NBEA: variants seen among roughly 807,000 people sequenced by gnomAD.
NBEA encodes the protein lysosomal-trafficking regulator 2.
NBEA carries 44 observed loss-of-function variants against 343.4 expected under a neutral mutation model. The ratio of observed to expected loss-of-function variants is 0.13; its 90% CI spans 0.10 to 0.16. The LOEUF is 0.16. Among genes scored for constraint, NBEA ranks in the 10% least tolerant of loss-of-function variants. The pLI, the probability that NBEA is intolerant of heterozygous loss-of-function variation, is 1.00. For synonymous variants in NBEA, 1,175 were observed against 1,238.7 expected (o/e 0.95, Z 1.08); for missense variants, 2,555 against 3,631.3 (o/e 0.70, Z 7.62).
intron 41 of NBEA, chr13:35,476,194 A>T: frequency 1.9e-6 from 3 of 1,611,336 alleles, no homozygotes; most frequent in Non-Finnish European, 2.5e-6. Flanking sequence ...TGTGGGATCC[A>T]ATGCGGCTGC....
chr13:35,342,023 T>A (rs542570610), intron 36 of NBEA, among the ~76,000 whole-genome samples: 7 of 152,208 alleles, frequency 4.6e-5, no homozygotes, highest in Admixed American at 3.9e-4. Flanking sequence ...AATGGGATAT[T>A]GTTCACCAAT....
intron 40 of NBEA, among the ~76,000 whole-genome samples, chr13:35,463,924 T>C (rs931180075): frequency 3.9e-5 from 6 of 151,990 alleles, no homozygotes; most frequent in Non-Finnish European, 8.8e-5. Context: ...CAGAAACTGC[T>C]GAAAAACAGT....
intron 27 of NBEA, 93 bp from the exon 28 acceptor site, chr13:35,176,903 A>G (rs953375337): frequency 1.3e-6 from 1 of 758,164 alleles, no homozygotes; most frequent in East Asian, 2.7e-5. Flanking sequence ...GTGGAGATAC[A>G]TGATGTGACC....
intron 41 of NBEA, among the ~76,000 whole-genome samples, chr13:35,530,725 C>G (rs955448783): frequency 1.4e-5 from 2 of 146,002 alleles, no homozygotes; most frequent in Non-Finnish European, 3.0e-5. Flanking sequence ...AATACTTAAT[C>G]TATTTCCATG....
intron 34 of NBEA, among the ~76,000 whole-genome samples, chr13:35,273,504 T>C (rs2034335369): frequency 6.6e-6 from 1 of 151,510 alleles, no homozygotes; most frequent in Admixed American, 6.6e-5. Context: ...AAGAAATAAC[T>C]AAGATAAAGA....
At chr13:35,389,916 T>C (rs937995113) in intron 38 of NBEA, among the ~76,000 whole-genome samples, 1 of 151,076 alleles carries the variant, frequency 6.6e-6, no homozygotes, top group African/African-American at 2.4e-5. Context: ...TTACAGTTTT[T>C]TTCTAATATA....
intron 2 of NBEA, among the ~76,000 whole-genome samples, chr13:35,044,446 A>G (rs2152560281): frequency 6.6e-6 from 1 of 152,306 alleles, no homozygotes; most frequent in South Asian, 2.1e-4. Flanking sequence ...CTAATGGGCC[A>G]AGGAATATAC....
chr13:35,429,947 A>G (rs2044992548), intron 38 of NBEA, among the ~76,000 whole-genome samples: 1 of 152,070 alleles, frequency 6.6e-6, no homozygotes, highest in African/African-American at 2.4e-5. Flanking sequence ...TCTTTTTTGT[A>G]TAATGACTTC....
chr13:35,355,754 C>T (rs915865089), intron 38 of NBEA, among the ~76,000 whole-genome samples: 12 of 151,998 alleles, frequency 7.9e-5, no homozygotes, highest in South Asian at 4.2e-4. Context: ...GTTTAGAATG[C>T]TTTCCCAAAA....
chr13:35,303,719 T>G (rs1256028852), intron 35 of NBEA, among the ~76,000 whole-genome samples: 1 of 152,184 alleles, frequency 6.6e-6, no homozygotes, highest in Non-Finnish European at 1.5e-5. Context: ...GTAATCTTTC[T>G]GTCTCTCCTT....
chr13:35,424,674 A>T (rs1357144737), intron 38 of NBEA, among the ~76,000 whole-genome samples: 3 of 152,208 alleles, frequency 2.0e-5, no homozygotes, highest in Non-Finnish European at 4.4e-5. Context: ...AAAATGAGTT[A>T]GGGAGGATTC....
At chr13:35,146,370 C>G (rs1278100690) in intron 18 of NBEA, among the ~76,000 whole-genome samples, 1 of 152,094 alleles carries the variant, frequency 6.6e-6, no homozygotes. Flanking sequence ...GAGTAACTTG[C>G]CCCTGTATCA....
chr13:35,144,912 A>G (rs926482484), intron 18 of NBEA, among the ~76,000 whole-genome samples: 24 of 152,232 alleles, frequency 1.6e-4, no homozygotes, highest in African/African-American at 5.3e-4. Context: ...CATAGTAATA[A>G]GAGAGCTATT....
Position 35,196,235 on chromosome 13 carries a change from T to A in NBEA, c.5299T>A (p.Tyr1767Asn), listed in dbSNP as rs764583014. 1 of 1,613,588 alleles carries A rather than the reference T, an allele frequency of 6.2e-7. No individual in the cohort carries two copies. The highest frequency in any genetic ancestry group is 1.7e-5 in the Admixed American group (1 of 59,988). ...AGAATGTGGCCCTGAACCTATCCCA[T>A]ACCCAGATCCAGCATTGAAGAGAGA... Reference protein sequence around the residue: ...IAECGPEPIPYPDPALKRETQ... With the variant: ...IAECGPEPIPNPDPALKRETQ... The change falls in exon 31 of 59, where the codon TAC becomes AAC. Residue 1767 changes from tyrosine (Y) to asparagine (N), a missense_variant. Tyr to Asn is a moderately radical substitution (Grantham distance 143). Coordinates refer to ENST00000379939, the MANE Select transcript of NBEA (RefSeq NM_001385012.1).
At chr13:35,657,167 T>C (rs1424866952) in intron 55 of NBEA, among the ~76,000 whole-genome samples, 2 of 152,222 alleles carry the variant, frequency 1.3e-5, no homozygotes, top group Admixed American at 6.5e-5. Context: ...TAGTGGAAGA[T>C]TGGATTAGAT....
intron 55 of NBEA, among the ~76,000 whole-genome samples, chr13:35,659,168 G>C (rs2084951984): frequency 1.3e-5 from 2 of 152,182 alleles, no homozygotes; most frequent in African/African-American, 4.8e-5. Flanking sequence ...TTTGGAGGTT[G>C]TATGTATTAA....
At chr13:35,585,464 G>T (rs998303653) in intron 46 of NBEA, among the ~76,000 whole-genome samples, 17 of 151,876 alleles carry the variant, frequency 1.1e-4, no homozygotes, top group African/African-American at 3.4e-4. Context: ...CCCTCTCCTG[G>T]TTTGCCTCCT....
rs148591738 is a variant in NBEA, at chr13:35,371,067, A to C, written c.6179+18744A>C. Among the ~76,000 whole-genome samples, 711 of 152,180 alleles carry C rather than the reference A, an allele frequency of 4.7e-3. 7 individuals carry two copies. Among genetic ancestry groups the C allele is most frequent in the Middle Eastern group, 0.024 (7 of 294 alleles). On this transcript the variant is annotated intron_variant, in intron 38 of 58. Transcript: ENST00000379939. ...TCTTTCTTTGTCTTTAACTTTTGAC[A>C]ATTGGACTTTAATGTGCCTTGGAGA... is the stretch of plus-strand genomic sequence containing the variant.
intron 17 of NBEA, among the ~76,000 whole-genome samples, chr13:35,139,011 T>C (rs1006595981): frequency 3.9e-5 from 6 of 151,902 alleles, no homozygotes; most frequent in African/African-American, 1.5e-4. Flanking sequence ...CTTTATTGTT[T>C]TCTTTACTGT....
Sources: allele counts gnomAD v4.1 joint callset (sites outside exome capture counted in the v4.1 genomes callset), GRCh38; gene constraint gnomAD v4.1.1; transcripts MANE v1.5; gene names NCBI Gene and HGNC (gene_info 2026-07-23, HGNC 2026-07-21).